PRH1: variants seen among roughly 807,000 people sequenced by gnomAD.
The protein encoded by PRH1 is proline rich protein HaeIII subfamily 1, also known as salivary acidic proline-rich phosphoprotein 1/2.
Under a neutral mutation model 7.9 loss-of-function variants are expected in PRH1, and 7 were observed. That is an observed-to-expected ratio of 0.89 (90% confidence interval 0.50 to 1.67). The LOEUF is 1.67. Among genes scored for constraint, PRH1 ranks in the 40% most tolerant of loss-of-function variants. The pLI is 0.00. For synonymous variants in PRH1, 45 were observed against 80.8 expected (o/e 0.56, Z 2.38); for missense variants, 109 against 223.6 (o/e 0.49, Z 3.27).
chr12:11,119,639 C>T (rs1488971772), downstream of PRH1, among the ~76,000 whole-genome samples: 5 of 152,044 alleles, frequency 3.3e-5, no homozygotes, highest in Non-Finnish European at 7.4e-5. Flanking sequence ...AATATGCCCA[C>T]ATAATGTTAA....
At chr12:11,083,586 T>C (rs1285378846) in intron 1 of PRH1, among the ~76,000 whole-genome samples, 1 of 113,172 alleles carries the variant, frequency 8.8e-6, no homozygotes, top group Admixed American at 9.4e-5. Flanking sequence ...AGAAAAAACT[T>C]ATAGCATTAA....
At position 10,987,246 on chromosome 12, in the gene PRH1, T is replaced by G. The variant is rs116686690; in HGVS notation, c.-125-13525A>C. ...TTCCTTGTTTAACCGATACGTAATT[T>G]GTGTTCAGCAACTTCAGCTGTTAGA... On this transcript the variant is annotated intron_variant, in intron 1 of 3. Coordinates refer to the PRH1 transcript ENST00000539853. 1.1e-3 allele frequency among the ~76,000 whole-genome samples: 172 copies of G among 152,276 alleles called. 2 individuals carry two copies. Among genetic ancestry groups the G allele is most frequent in the African/African-American group, 4.0e-3 (168 of 41,522 alleles).
At chr12:10,983,386 G>C (rs1308506653) in intron 1 of PRH1, among the ~76,000 whole-genome samples, 2 of 152,112 alleles carry the variant, frequency 1.3e-5, no homozygotes, top group East Asian at 1.9e-4. Flanking sequence ...GTTGCACAAG[G>C]AGTGGACAGT....
chr12:10,881,754 G>C (rs1271409937), intron 3 of PRH1, among the ~76,000 whole-genome samples: 1 of 152,140 alleles, frequency 6.6e-6, no homozygotes, highest in African/African-American at 2.4e-5. Flanking sequence ...GTTAGCTTAA[G>C]CATGTATGAC....
At chr12:11,054,130 A>G (rs1332864186) in intron 1 of PRH1, among the ~76,000 whole-genome samples, 1 of 152,152 alleles carries the variant, frequency 6.6e-6, no homozygotes, top group Non-Finnish European at 1.5e-5. Context: ...CGATTCTTAT[A>G]TTATTCTCAG....
At chr12:11,114,277 T>A (rs1027802968) in intron 1 of PRH1, among the ~76,000 whole-genome samples, 5 of 152,026 alleles carry the variant, frequency 3.3e-5, no homozygotes, top group Non-Finnish European at 7.4e-5. Context: ...AAATATAGAC[T>A]GTATAAAGAA....
Position 10,957,547 on chromosome 12 carries a change from A to G in PRH1, c.-59+16108T>C, listed in dbSNP as rs1938032622. Reference sequence around the variant, plus strand: ...CAAAGACACCAAAATCAATTGCAACAGAAACAAAAATTGAAAAGTGGAACC... The same window carrying G: ...CAAAGACACCAAAATCAATTGCAACGGAAACAAAAATTGAAAAGTGGAACC... On this transcript the variant is annotated intron_variant, in intron 2 of 3. Transcript: ENST00000539853. 7.2e-5 allele frequency among the ~76,000 whole-genome samples: 11 copies of G among 152,334 alleles called. No homozygotes were observed. The South Asian group carries it at 2.3e-3, about 32-fold the overall frequency.
At chr12:10,946,443 G>A (rs1482805045) in intron 2 of PRH1, among the ~76,000 whole-genome samples, 2 of 152,166 alleles carry the variant, frequency 1.3e-5, no homozygotes, top group African/African-American at 4.8e-5. Flanking sequence ...GGTGTTTACA[G>A]TGGTTCTGAT....
intron 1 of PRH1, among the ~76,000 whole-genome samples, chr12:10,990,575 G>A (rs972563476): frequency 6.6e-6 from 1 of 152,144 alleles, no homozygotes; most frequent in Non-Finnish European, 1.5e-5. Context: ...CTAATGAGAT[G>A]AGAAGCCACT....
chr12:11,056,558 C>T (rs987627605), intron 1 of PRH1, among the ~76,000 whole-genome samples: 2 of 152,102 alleles, frequency 1.3e-5, no homozygotes, highest in Non-Finnish European at 2.9e-5. Context: ...TGGCCAGGCC[C>T]GTGGCTCCCA....
chr12:11,038,189 TTA>T (rs1317714191), intron 1 of PRH1, among the ~76,000 whole-genome samples: 8 of 152,280 alleles, frequency 5.3e-5, no homozygotes, highest in African/African-American at 1.9e-4. Context: ...GAAATATACT[TTA>T]TGTTTCTGCT....
At chr12:11,066,533 G>A (rs1591936712) in intron 1 of PRH1, among the ~76,000 whole-genome samples, 1 of 144,540 alleles carries the variant, frequency 6.9e-6, no homozygotes, top group Non-Finnish European at 1.5e-5. Context: ...AAGCTTTGCT[G>A]TTTACTCCTG....
intron 2 of PRH1, among the ~76,000 whole-genome samples, chr12:10,898,549 T>G (rs1473360382): frequency 6.6e-6 from 1 of 152,230 alleles, no homozygotes; most frequent in African/African-American, 2.4e-5. Flanking sequence ...TAAATACAAC[T>G]ATTTTTAAAT....
At chr12:10,888,951 C>T (rs1949532624), upstream of PRH1, among the ~76,000 whole-genome samples, 1 of 152,196 alleles carries the variant, frequency 6.6e-6, no homozygotes, top group Non-Finnish European at 1.5e-5. Context: ...TGAGTTTCCT[C>T]CTAGAGGCTC....
At chr12:11,092,173 A>G in intron 1 of PRH1, 1 of 1,356,650 alleles carries the variant, frequency 7.4e-7, no homozygotes, top group Non-Finnish European at 1.0e-6. Flanking sequence ...CAAAATTTCC[A>G]ATAACAAATG....
intron 2 of PRH1, among the ~76,000 whole-genome samples, chr12:10,956,287 T>A (rs2135924196): frequency 6.6e-6 from 1 of 152,330 alleles, no homozygotes; most frequent in Non-Finnish European, 1.5e-5. Context: ...AATCAATATA[T>A]GTGATTCATC....
intron 1 of PRH1, among the ~76,000 whole-genome samples, chr12:11,012,149 T>A (rs775410167): frequency 6.6e-6 from 1 of 152,174 alleles, no homozygotes; most frequent in African/African-American, 2.4e-5. Context: ...CTTCTCTGTA[T>A]GTGAATTTTC....
At chr12:11,010,588 T>C (rs1198049606) in intron 1 of PRH1, among the ~76,000 whole-genome samples, 2 of 151,980 alleles carry the variant, frequency 1.3e-5, no homozygotes, top group African/African-American at 4.8e-5. Flanking sequence ...TACTTCGCCT[T>C]AATCAGGTAA....
chr12:10,932,072 G>T (rs1267057300), intron 2 of PRH1, among the ~76,000 whole-genome samples: 2 of 152,218 alleles, frequency 1.3e-5, no homozygotes, highest in East Asian at 3.8e-4. Flanking sequence ...CATAGAAAGT[G>T]TGAACAAAGA....
Sources: gnomAD v4.1 joint callset for allele counts (sites outside exome capture counted in the v4.1 genomes callset) on GRCh38, gnomAD v4.1.1 for gene constraint, MANE v1.5 for transcripts, NCBI Gene and HGNC (gene_info 2026-07-23, HGNC 2026-07-21) for gene names.